Variants in SBF2 observed in about 807,000 individuals in gnomAD.
The protein encoded by SBF2 is myotubularin-related protein 13.
SBF2 carries 112 observed loss-of-function variants against 225.2 expected under a neutral mutation model. The observed-to-expected ratio is 0.50, with a 90% CI of 0.43 to 0.58. The LOEUF (loss-of-function observed/expected upper bound fraction) is 0.58, where lower values mean the gene tolerates loss of function less well. Among genes scored for constraint, SBF2 ranks in the 20% least tolerant of loss-of-function variants. The pLI is 0.00. For missense variants in SBF2, 1,996 were observed against 2,206.2 expected, an observed-to-expected ratio of 0.90 and a Z score of 1.91; for synonymous variants, 763 against 773.3, an observed-to-expected ratio of 0.99 and a Z score of 0.22.
intron 28 of SBF2, among the ~76,000 whole-genome samples, chr11:9,828,823 A>G (rs1410028358): frequency 6.6e-6 from 1 of 152,266 alleles, no homozygotes; most frequent in African/African-American, 2.4e-5. Context: ...TTTAAAGTCT[A>G]TGAAAGATAA....
At chr11:10,106,632 T>TTA (rs576999935) in intron 2 of SBF2, among the ~76,000 whole-genome samples, 1 of 126,874 alleles carries the variant, frequency 7.9e-6, no homozygotes, top group Non-Finnish European at 1.6e-5. Context: ...CCGACTCAAT[T>TTA]AAAAAAAAAA....
At chr11:10,051,051 C>T (rs940714705) in intron 2 of SBF2, among the ~76,000 whole-genome samples, 1 of 152,022 alleles carries the variant, frequency 6.6e-6, no homozygotes, top group Admixed American at 6.6e-5. Context: ...AAATGCTTTG[C>T]ACATATAGAC....
chr11:10,303,955 T>C lies in SBF2; in HGVS notation n.386+537A>G, dbSNP rs1292863265. ...GGGGCTAGGACTCTCCTTTGCCCCT[T>C]GAGAAGTTGGTGACCCCAGCCTAGA... On this transcript the variant is annotated intron_variant and non_coding_transcript_variant, in intron 1 of 5. Coordinates refer to the SBF2 transcript ENST00000685217. This position sits in a 1 kb window ranked among gnomAD's most constrained non-coding sequence, Gnocchi z 5.2. Among the ~76,000 whole-genome samples the C allele has an allele frequency of 6.6e-6, 1 of 152,156 alleles. No individual in the cohort carries two copies. Among genetic ancestry groups the C allele is most frequent in the Non-Finnish European group, 1.5e-5 (1 of 68,038 alleles).
chr11:10,172,744 G>GT (rs1210626664), intron 2 of SBF2, among the ~76,000 whole-genome samples: 1 of 151,732 alleles, frequency 6.6e-6, no homozygotes, highest in Non-Finnish European at 1.5e-5. Flanking sequence ...TTGGCTCACT[G>GT]TAACCTCTGC....
Position 9,787,638 on chromosome 11 carries a change from T to C in SBF2, c.5033A>G (p.Asp1678Gly), listed in dbSNP as rs774971903. Residue 1678 changes from aspartate to glycine, a missense_variant, in exon 36 of 40, where the codon GAT becomes GGT. Asp to Gly is a moderately conservative substitution (Grantham distance 94, BLOSUM62 -1). Transcript: ENST00000256190. ...TVDLKEEPRT[D>G]RSQRHLSRSP... Reference sequence around the variant, plus strand: ...CAAGGGGCATTGCCAACTCACGCGATCTGTTCTTGGTTCTTCTTTAAGGTC... The same window carrying C: ...CAAGGGGCATTGCCAACTCACGCGACCTGTTCTTGGTTCTTCTTTAAGGTC... 11 of 1,613,874 alleles carry C rather than the reference T, an allele frequency of 6.8e-6. No homozygotes were observed. Among genetic ancestry groups the C allele is most frequent in the Middle Eastern group, 1.6e-4 (1 of 6,062 alleles).
chr11:9,883,227 T>C (rs1859974873), intron 17 of SBF2, among the ~76,000 whole-genome samples: 1 of 152,124 alleles, frequency 6.6e-6, no homozygotes, highest in Admixed American at 6.6e-5. Flanking sequence ...ATAATGGCAA[T>C]ATTAGCTAAG....
At chr11:9,946,449 CTTTCTTTT>C (rs1865567010) in intron 16 of SBF2, among the ~76,000 whole-genome samples, 1 of 146,426 alleles carries the variant, frequency 6.8e-6, no homozygotes, top group Non-Finnish European at 1.5e-5. Context: ...TTCTTTCTTT[CTTTCTTTT>C]TTTTTTTTTT....
At chr11:10,282,819 CTA>C (rs1327410491) in intron 1 of SBF2, among the ~76,000 whole-genome samples, 1 of 40,354 alleles carries the variant, frequency 2.5e-5, no homozygotes, top group African/African-American at 6.9e-5. Flanking sequence ...ACCCCACCAT[CTA>C]TAGAGTCAAG....
intron 1 of SBF2, among the ~76,000 whole-genome samples, chr11:10,258,921 C>A (rs915199159): frequency 2.6e-4 from 40 of 152,116 alleles, no homozygotes; most frequent in Non-Finnish European, 8.8e-5. Flanking sequence ...AGCAAAGGAA[C>A]AGAGCAAAGG....
intron 16 of SBF2, among the ~76,000 whole-genome samples, chr11:9,909,191 C>T (rs894067725): frequency 6.6e-6 from 1 of 152,056 alleles, no homozygotes; most frequent in Non-Finnish European, 1.5e-5. Context: ...ATAGTGATTC[C>T]TTTTTATGAA....
At chr11:9,839,168 A>C in intron 26 of SBF2, 1 of 343,768 alleles carries the variant, frequency 2.9e-6, no homozygotes, top group Non-Finnish European at 5.6e-6. Context: ...CCTACAAAAG[A>C]CTTTCATGTC....
chr11:9,874,211 C>A (rs944694481), intron 17 of SBF2, among the ~76,000 whole-genome samples: 1 of 152,082 alleles, frequency 6.6e-6, no homozygotes, highest in Non-Finnish European at 1.5e-5. Flanking sequence ...CATTCTAAGT[C>A]ATTTTTAACT....
At chr11:9,983,264 C>G (rs1296101170) in intron 13 of SBF2, among the ~76,000 whole-genome samples, 1 of 152,164 alleles carries the variant, frequency 6.6e-6, no homozygotes, top group African/African-American at 2.4e-5. Flanking sequence ...GAAACTGGCC[C>G]TTCTGTTTGC....
intron 2 of SBF2, among the ~76,000 whole-genome samples, chr11:10,151,783 T>C (rs1165127502): frequency 6.6e-6 from 1 of 152,220 alleles, no homozygotes; most frequent in African/African-American, 2.4e-5. Context: ...CAGGTAATTT[T>C]TGCCCATCTT....
intron 2 of SBF2, among the ~76,000 whole-genome samples, chr11:10,143,844 A>G (rs1260009534): frequency 6.6e-6 from 1 of 151,996 alleles, no homozygotes; most frequent in African/African-American, 2.4e-5. Flanking sequence ...CAGCCTCCCG[A>G]GTAGCTGGGA....
chr11:9,944,892 G>T (rs1018228922), intron 16 of SBF2, among the ~76,000 whole-genome samples: 1 of 152,126 alleles, frequency 6.6e-6, no homozygotes, highest in Non-Finnish European at 1.5e-5. Flanking sequence ...GAATGCTTGA[G>T]GCCAAGAGTT....
At chr11:10,043,572 A>G (rs1949738802) in intron 2 of SBF2, among the ~76,000 whole-genome samples, 1 of 126,008 alleles carries the variant, frequency 7.9e-6, no homozygotes, top group South Asian at 2.7e-4. Flanking sequence ...TGCAGGTTAA[A>G]CAACACTTTC....
chr11:9,989,565 C>G lies in SBF2; in HGVS notation c.1327G>C (p.Val443Leu), dbSNP rs765958389. 39 of 1,609,278 alleles carry G rather than the reference C, an allele frequency of 2.4e-5. No individual in the cohort carries two copies. Among genetic ancestry groups the G allele is most frequent in the Non-Finnish European group, 5.1e-6 (6 of 1,176,342 alleles). The change falls in exon 13 of 40, where the codon GTT becomes CTT. Residue 443 changes from valine (V) to leucine (L), a missense_variant. By Grantham distance (32) the Val-to-Leu change is conservative. Coordinates refer to ENST00000256190, the MANE Select transcript of SBF2 (RefSeq NM_030962.4). ...ATCTTCACTGGGTTATTTTCTTCAACTTTAATTCTCTCTACTTCAAAGGCT... is the reference window on the plus strand; with the variant it reads ...ATCTTCACTGGGTTATTTTCTTCAAGTTTAATTCTCTCTACTTCAAAGGCT... ...LVAFEVERIK[V>L]EENNPVKMIK...
At chr11:10,137,725 G>A (rs1555042484) in intron 2 of SBF2, among the ~76,000 whole-genome samples, 3 of 152,082 alleles carry the variant, frequency 2.0e-5, no homozygotes, top group African/African-American at 4.8e-5. Context: ...AATAAATTGA[G>A]GCCGGGCGCG....
Sources: gnomAD v4.1 joint callset for allele counts (sites outside exome capture counted in the v4.1 genomes callset) on GRCh38, gnomAD v4.1.1 for gene constraint, Gnocchi (gnomAD v3.1) non-coding constraint, MANE v1.5 for transcripts, NCBI Gene and HGNC (gene_info 2026-07-23, HGNC 2026-07-21) for gene names.